The following PIK3C2G variants were observed in gnomAD, a reference collection of about 807,000 sequenced individuals.
PIK3C2G encodes the protein phosphatidylinositol 3-kinase C2 domain-containing subunit gamma.
In PIK3C2G, 168 loss-of-function variants were observed where a neutral mutation model predicts 181.1. The ratio of observed to expected loss-of-function variants is 0.93; its 90% CI spans 0.82 to 1.05. The LOEUF is 1.05. Among genes scored for constraint, PIK3C2G ranks in the 50% least tolerant of loss-of-function variants. PIK3C2G has a pLI of 0.00. For synonymous variants in PIK3C2G, 573 were observed against 592.2 expected (o/e 0.97, Z 0.47); for missense variants, 1,869 against 1,732.8 (o/e 1.08, Z -1.40).
intron 30 of PIK3C2G, among the ~76,000 whole-genome samples, chr12:18,598,821 T>A (rs1947530190): frequency 6.6e-6 from 1 of 151,150 alleles, no homozygotes. Flanking sequence ...AACAACCCCA[T>A]CAAAAAGTGG....
intron 24 of PIK3C2G, 98 bp from the exon 25 acceptor site, chr12:18,538,058 A>T: frequency 8.3e-7 from 1 of 1,211,180 alleles, no homozygotes; most frequent in East Asian, 2.4e-5. Context: ...AGAAAAAAAA[A>T]AGAAAATTCA....
rs115720895 is a variant in PIK3C2G at position 18,406,402 on chromosome 12, G to A, written c.2315+6555G>A. Among the ~76,000 whole-genome samples the A allele has an allele frequency of 7.0e-3, 1,066 of 152,202 alleles. 6 individuals carry two copies. Among genetic ancestry groups the A allele is most frequent in the African/African-American group, 0.019 (779 of 41,542 alleles). ...TTCATTTGGATATATATCCAGAAAT[G>A]AGATTACTGGGTCGTATTTTAATAG... On this transcript the variant is annotated intron_variant, in intron 16 of 32. Transcript: ENST00000538779.
chr12:18,504,027 A>T (rs2136115433), intron 23 of PIK3C2G, among the ~76,000 whole-genome samples: 1 of 152,296 alleles, frequency 6.6e-6, no homozygotes, highest in South Asian at 2.1e-4. Flanking sequence ...GATCTAGTAC[A>T]GCTGGGTCCA....
intron 31 of PIK3C2G, among the ~76,000 whole-genome samples, chr12:18,621,714 G>A (rs901459599): frequency 4.0e-5 from 6 of 151,694 alleles, no homozygotes; most frequent in African/African-American, 1.4e-4. Context: ...TAGACACACG[G>A]TGGTTAGATT....
the PIK3C2G span, chr12:18,693,605 C>T: frequency 1.2e-5 from 19 of 1,573,658 alleles, no homozygotes; most frequent in South Asian, 5.5e-5. Context: ...TGCTGAAGAA[C>T]GTGCACCGTC....
chr12:18,535,798 A>G (rs3902021), intron 24 of PIK3C2G, among the ~76,000 whole-genome samples: 116,196 of 152,022 alleles, frequency 0.76, 44,938 homozygotes, highest in East Asian at 0.96. Flanking sequence ...CTACTAAAAT[A>G]TTGGCAATAG....
chr12:18,334,636 T>TTC (rs1224296460), intron 8 of PIK3C2G, among the ~76,000 whole-genome samples: 2 of 152,124 alleles, frequency 1.3e-5, no homozygotes, highest in Non-Finnish European at 2.9e-5. Flanking sequence ...TTTTTCTCTG[T>TTC]CTACATTCTC....
intron 24 of PIK3C2G, among the ~76,000 whole-genome samples, chr12:18,521,811 C>T (rs1402853481): frequency 6.6e-6 from 1 of 152,358 alleles, no homozygotes; most frequent in East Asian, 1.9e-4. Flanking sequence ...AGGAGCTCAG[C>T]AGGCTTAAGC....
At chr12:18,658,273 A>G in the PIK3C2G span, among the ~76,000 whole-genome samples, 1 of 152,208 alleles carries the variant, frequency 6.6e-6, no homozygotes, top group African/African-American at 2.4e-5. Flanking sequence ...AAAAGGACAG[A>G]AAGAATATTT....
chr12:18,483,682 C>A (rs1190096716), intron 18 of PIK3C2G, among the ~76,000 whole-genome samples: 1 of 151,618 alleles, frequency 6.6e-6, no homozygotes, highest in Non-Finnish European at 1.5e-5. Flanking sequence ...CAGGGATACC[C>A]CCCGAGAATG....
In PIK3C2G at chr12:18,589,484, T is replaced by C. The variant is rs147008464; in HGVS notation, c.4012-5010T>C. ...ATTATAGCATCTTTATGAATTCCAGTGACCTAAGACCAGTAGGCAAGTGTG... is the reference window on the plus strand; with the variant it reads ...ATTATAGCATCTTTATGAATTCCAGCGACCTAAGACCAGTAGGCAAGTGTG... On this transcript the variant is annotated intron_variant, in intron 29 of 32. Coordinates refer to ENST00000538779, the MANE Select transcript of PIK3C2G (RefSeq NM_001288772.2). Among the ~76,000 whole-genome samples the C allele has an allele frequency of 5.5e-3, 832 of 152,064 alleles. 5 individuals carry two copies. Among genetic ancestry groups the C allele is most frequent in the African/African-American group, 0.019 (795 of 41,532 alleles).
intron 30 of PIK3C2G, 134 bp from the exon 31 acceptor site, chr12:18,609,401 G>T: frequency 8.5e-6 from 5 of 587,440 alleles, no homozygotes; most frequent in Non-Finnish European, 6.1e-6. Flanking sequence ...AGAGCATTAA[G>T]ATTCTTCAAC....
rs149086790 is a variant in PIK3C2G, at chr12:18,512,162, G to A, written c.3323+6701G>A. The stretch of plus-strand genomic sequence containing the variant: ...TTTCTGGGTTTTCTATCTTGTTCCC[G>A]TTTGTTCAATGTATCTATTTTTATG... On this transcript the variant is annotated intron_variant, in intron 24 of 32. Coordinates refer to ENST00000538779, the MANE Select transcript of PIK3C2G (RefSeq NM_001288772.2). 6.1e-4 allele frequency among the ~76,000 whole-genome samples: 93 copies of A among 151,886 alleles called. 1 individual carries two copies. Among genetic ancestry groups the A allele is most frequent in the South Asian group, 2.1e-4 (1 of 4,826 alleles).
At chr12:18,590,995 G>A (rs1947047985) in intron 29 of PIK3C2G, among the ~76,000 whole-genome samples, 1 of 151,906 alleles carries the variant, frequency 6.6e-6, no homozygotes, top group Non-Finnish European at 1.5e-5. Context: ...ACCATTGGAT[G>A]GTGAGGTCAA....
chr12:18,414,022 A>G (rs567799648), intron 16 of PIK3C2G, among the ~76,000 whole-genome samples: 1 of 152,252 alleles, frequency 6.6e-6, no homozygotes, highest in East Asian at 1.9e-4. Context: ...TGTGGAACAT[A>G]TTTGTCCATC....
chr12:18,696,112 T>C, the PIK3C2G span: 37 of 1,078,464 alleles, frequency 3.4e-5, no homozygotes, highest in Non-Finnish European at 4.8e-5. Flanking sequence ...TCATTTTATG[T>C]TACTTCTGCA....
the PIK3C2G span, among the ~76,000 whole-genome samples, chr12:18,666,586 T>C: frequency 1.3e-5 from 2 of 151,984 alleles, no homozygotes; most frequent in Non-Finnish European, 2.9e-5. Flanking sequence ...ACTGACAGAA[T>C]TGAAGAAAGA....
rs548633613 is a variant in PIK3C2G, at chr12:18,483,354, T to C, written c.2505-5095T>C. ...ATCTCCTATCAGATACTCAGACACT[T>C]GGCTAGACAAAGCAACAGATGGTAC... On this transcript the variant is annotated intron_variant, in intron 18 of 32. Coordinates refer to ENST00000538779, the MANE Select transcript of PIK3C2G (RefSeq NM_001288772.2). 7.2e-5 allele frequency among the ~76,000 whole-genome samples: 11 copies of C among 152,276 alleles called. No individual in the cohort carries two copies. In the East Asian group the frequency reaches 9.7e-4, roughly 13 times the overall value.
intron 30 of PIK3C2G, among the ~76,000 whole-genome samples, chr12:18,604,302 A>G (rs2136558792): frequency 6.6e-6 from 1 of 152,324 alleles, no homozygotes; most frequent in African/African-American, 2.4e-5. Flanking sequence ...ACAAAGAGGG[A>G]CAGTATATAA....
Sources: gnomAD v4.1 joint callset for allele counts (sites outside exome capture counted in the v4.1 genomes callset) on GRCh38, gnomAD v4.1.1 for gene constraint, MANE v1.5 for transcripts, NCBI Gene and HGNC (gene_info 2026-07-23, HGNC 2026-07-21) for gene names.